KIAA1549: variants seen among roughly 807,000 people sequenced by gnomAD.
KIAA1549 encodes UPF0606 protein KIAA1549.
A neutral mutation model predicts 156.4 loss-of-function variants in KIAA1549; 70 were observed. That is an observed-to-expected ratio of 0.45 (90% confidence interval 0.37 to 0.55). The LOEUF is 0.55. Ranked by LOEUF, KIAA1549 falls within the 20% of genes least tolerant of loss-of-function variation. The pLI is 0.00. For missense variants in KIAA1549, 2,428 were observed against 2,540.9 expected (o/e 0.96, Z 0.96); for synonymous variants, 1,103 against 1,066.4 (o/e 1.03, Z -0.67).
At position 138,917,347 on chromosome 7, in the gene KIAA1549, A is replaced by C. The variant is rs1322606631; in HGVS notation, c.2279T>G (p.Ile760Ser). ...TGCAGTGACTGCGGATTCATGGGAA[A>C]TGAGTGAAGACTCAAGATAGGAGGT... ...ETTSYLESSL[I>S]SHESAVTALV... Residue 760 changes from isoleucine (I) to serine (S), a missense_variant, in exon 2 of 20, where the codon ATT becomes AGT. Ile to Ser is a moderately radical substitution (Grantham distance 142). This residue lies in a region of KIAA1549 where 762 missense variants were observed against 901.6 expected (regional missense o/e 0.85). Transcript: ENST00000422774. 6.2e-7 allele frequency: 1 copy of C among 1,613,974 alleles called. No homozygotes were observed. The highest frequency in any genetic ancestry group is 8.5e-7 in the Non-Finnish European group (1 of 1,179,868).
chr7:138,918,927 C>A lies in KIAA1549; in HGVS notation c.699G>T (p.Arg233=). 2 of 1,614,002 alleles carry A rather than the reference C, an allele frequency of 1.2e-6. No homozygotes were observed. Among genetic ancestry groups the A allele is most frequent in the Non-Finnish European group, 1.7e-6 (2 of 1,179,900 alleles). ...TGCCCTCAGAGGTGCGAAAAGCTGA[C>A]CGAAAGGTGTGGAAATGACTGGCGG... ...AESASHFHTF[R]SAFRTSEGIV... The change falls in exon 2 of 20, where the codon CGG becomes CGT. Residue 233 remains arginine (R), a synonymous_variant. Transcript: ENST00000422774. This position sits in a 1 kb window ranked among gnomAD's most constrained non-coding sequence, Gnocchi z 4.2.
In KIAA1549 at chr7:138,917,377, T is replaced by G. The variant is rs376642601; in HGVS notation, c.2249A>C (p.Glu750Ala). The G allele has an allele frequency of 2.0e-5, 32 of 1,613,842 alleles. No individual in the cohort carries two copies. The highest frequency in any genetic ancestry group is 2.6e-5 in the Non-Finnish European group (31 of 1,179,874). ...TGAAGACTCAAGATAGGAGGTAGTT[T>G]CAATGAAAGCTGAGGTAAAATGAGC... is the stretch of plus-strand genomic sequence containing the variant. ...SEAHFTSAFI[E>A]TTSYLESSLI... is the part of the protein sequence containing the mutation. The change falls in exon 2 of 20, where the codon GAA (glutamate) becomes GCA (alanine). Residue 750 changes from glutamate to alanine, a missense_variant. Around this residue, in one of 5 missense-constraint regions of KIAA1549, gnomAD observed 762 missense variants for 901.6 expected, o/e 0.85. Coordinates refer to ENST00000422774, the MANE Select transcript of KIAA1549 (RefSeq NM_001164665.2).
Position 138,958,360 on chromosome 7 carries a change from C to T in KIAA1549, c.187+22723G>A, listed in dbSNP as rs377267937. On this transcript the variant is annotated intron_variant, in intron 1 of 19. Coordinates refer to ENST00000422774, the MANE Select transcript of KIAA1549 (RefSeq NM_001164665.2). ...GCAACTATCCCAAGCCCCAGGCTCT[C>T]TCCCCAAAATCTGAATCTCAAACAG... Among the ~76,000 whole-genome samples the T allele has an allele frequency of 1.2e-4, 18 of 152,326 alleles. No homozygotes were observed. In the South Asian group the frequency reaches 2.7e-3, roughly 23 times the overall value.
rs746239154 is a variant in KIAA1549 at position 138,881,558 on chromosome 7, G to A, written c.4059C>T (p.Phe1353=). The A allele has an allele frequency of 1.1e-5, 18 of 1,613,546 alleles. No individual in the cohort carries two copies. The highest frequency in any genetic ancestry group is 2.2e-5 in the East Asian group (1 of 44,872). The change falls in exon 11 of 20, where the codon TTC becomes TTT. Residue 1353 remains phenylalanine (F), a synonymous_variant. Coordinates refer to ENST00000422774, the MANE Select transcript of KIAA1549 (RefSeq NM_001164665.2). The part of the protein sequence containing the change: ...QKLQIPSVKG[F]DFAKQHLGQH... ...GACCCAGATGCTGCTTAGCAAAATC[G>A]AAGCCCTTCACACTAGGGATCTGCA...
intron 1 of KIAA1549, among the ~76,000 whole-genome samples, chr7:138,961,846 GAAAAAAA>G (rs35074532): frequency 5.3e-5 from 5 of 94,036 alleles, no homozygotes; most frequent in Non-Finnish European, 9.9e-5. Flanking sequence ...TGTCTCTTAA[GAAAAAAA>G]AAAAAAAAGA....
At chr7:138,976,993 A>T (rs192733301) in intron 1 of KIAA1549, among the ~76,000 whole-genome samples, 162 of 152,364 alleles carry the variant, frequency 1.1e-3, no homozygotes, top group Middle Eastern at 3.4e-3. Context: ...TTTGTTTATA[A>T]TATCCTAAAC....
chr7:138,845,371 T>C (rs1344682890), intron 17 of KIAA1549, among the ~76,000 whole-genome samples: 1 of 152,162 alleles, frequency 6.6e-6, no homozygotes, highest in Non-Finnish European at 1.5e-5. Context: ...CTTCAGAGAA[T>C]ACATAGTTGG....
At chr7:138,938,518 A>G (rs1383790632) in intron 1 of KIAA1549, among the ~76,000 whole-genome samples, 1 of 152,210 alleles carries the variant, frequency 6.6e-6, no homozygotes, top group Non-Finnish European at 1.5e-5. Flanking sequence ...CTAAGTGTCT[A>G]TAATTATAAC....
At chr7:138,862,221 G>A (rs978913183) in intron 15 of KIAA1549, among the ~76,000 whole-genome samples, 3 of 152,096 alleles carry the variant, frequency 2.0e-5, no homozygotes, top group African/African-American at 7.2e-5. Flanking sequence ...TGGGCTGGGT[G>A]CAGTGGCTCA....
At chr7:138,884,573 T>C (rs1161352500) in intron 10 of KIAA1549, among the ~76,000 whole-genome samples, 1 of 152,084 alleles carries the variant, frequency 6.6e-6, no homozygotes, top group African/African-American at 2.4e-5. Flanking sequence ...TGCAAAGGAG[T>C]GTTAAGTCAC....
At chr7:138,844,232 C>A in intron 18 of KIAA1549, 85 bp downstream of exon 18, 1 of 1,493,868 alleles carries the variant, frequency 6.7e-7, no homozygotes, top group Non-Finnish European at 9.2e-7. Context: ...CCTCTGCACA[C>A]TGACACTCTG....
chr7:138,980,070 T>C (rs1259560764), intron 1 of KIAA1549, among the ~76,000 whole-genome samples: 1 of 152,210 alleles, frequency 6.6e-6, no homozygotes, highest in Non-Finnish European at 1.5e-5. Flanking sequence ...AGCCACTGAG[T>C]AGCCCTTTGG....
chr7:138,908,826 G>T (rs1812082906), intron 5 of KIAA1549, among the ~76,000 whole-genome samples, 165 bp downstream of exon 5: 1 of 152,184 alleles, frequency 6.6e-6, no homozygotes, highest in South Asian at 2.1e-4. Flanking sequence ...CTCAGCCTGT[G>T]CACGCTATGC....
rs1162276934 is a variant in KIAA1549 at position 138,886,434 on chromosome 7, C to A, written c.4033-4850G>T. Among the ~76,000 whole-genome samples, 9 of 152,140 alleles carry A rather than the reference C, an allele frequency of 5.9e-5. 1 individual carries two copies. The South Asian group carries it at 1.5e-3, about 25-fold the overall frequency. Reference sequence around the variant, plus strand: ...GGACCACAGACATGTGCCATCACGCCTGGCTAATATTTTAAAATTTTTTTG... The same window carrying A: ...GGACCACAGACATGTGCCATCACGCATGGCTAATATTTTAAAATTTTTTTG... On this transcript the variant is annotated intron_variant, in intron 10 of 19. Coordinates refer to ENST00000422774, the MANE Select transcript of KIAA1549 (RefSeq NM_001164665.2).
intron 10 of KIAA1549, among the ~76,000 whole-genome samples, chr7:138,893,373 T>A (rs6949124): frequency 6.7e-6 from 1 of 149,200 alleles, no homozygotes; most frequent in Non-Finnish European, 1.5e-5. Flanking sequence ...TTCTCTAAGA[T>A]AGGGAGTGGG....
chr7:138,917,325 A>G lies in KIAA1549; in HGVS notation c.2301T>C (p.Thr767=), dbSNP rs61746879. ...SSLISHESAV[T]ALVPPGSESF... is the part of the protein sequence containing the mutation. ...ACTCAGAGCCGGGGGGCACCAGTGC[A>G]GTGACTGCGGATTCATGGGAAATGA... is the stretch of plus-strand genomic sequence containing the variant. Residue 767 remains threonine (T), a synonymous_variant, in exon 2 of 20, where the codon ACT becomes ACC. Transcript: ENST00000422774. The G allele has an allele frequency of 0.071, 114,812 of 1,613,620 alleles. 4,739 individuals carry two copies. Among genetic ancestry groups the G allele is most frequent in the African/African-American group, 0.15 (10,956 of 74,996 alleles).
chr7:138,968,859 C>CAAAAAA (rs75576327), intron 1 of KIAA1549, among the ~76,000 whole-genome samples: 1 of 66,480 alleles, frequency 1.5e-5, no homozygotes, highest in Non-Finnish European at 3.2e-5. Flanking sequence ...GACTCCGTCT[C>CAAAAAA]AAAAAAAAAA....
At position 138,981,106 on chromosome 7, in the gene KIAA1549, G is replaced by C; in HGVS notation, c.164C>G (p.Ala55Gly). Residue 55 changes from alanine (A) to glycine (G), a missense_variant, in exon 1 of 20, where the codon GCC becomes GGC. Ala to Gly is a moderately conservative substitution (Grantham distance 60). Transcript: ENST00000422774. This position sits in a 1 kb window ranked among gnomAD's most constrained non-coding sequence, Gnocchi z 4.5. ...ACCTGGGGCGCACGAGGCCGGCCGG[G>C]CCAGCAGCAGCAGCCAGAGGCCAGG... is the stretch of plus-strand genomic sequence containing the variant. ...LLPGLWLLLL[A>G]RPASCAPDEL... The C allele has an allele frequency of 8.2e-7, 1 of 1,224,200 alleles. No homozygotes were observed. The highest frequency in any genetic ancestry group is 1.0e-6 in the Non-Finnish European group (1 of 982,844). 75.8% of individuals were successfully genotyped at this position (1,224,200 alleles called of 1,614,324 possible).
At chr7:138,957,494 T>C (rs1813703070) in intron 1 of KIAA1549, among the ~76,000 whole-genome samples, 1 of 147,758 alleles carries the variant, frequency 6.8e-6, no homozygotes, top group Non-Finnish European at 1.5e-5. Context: ...CTTCTTCTTT[T>C]TGAGATGAAG....
Sources: gnomAD v4.1 joint callset for allele counts (sites outside exome capture counted in the v4.1 genomes callset) on GRCh38, gnomAD v4.1.1 for gene constraint, gnomAD v4.1.1 regional missense constraint, Gnocchi (gnomAD v3.1) non-coding constraint, MANE v1.5 for transcripts, NCBI Gene and HGNC (gene_info 2026-07-23, HGNC 2026-07-21) for gene names.